Variants in TENM4 observed in about 807,000 individuals in gnomAD.
TENM4 encodes teneurin transmembrane protein 4, also known as teneurin-4.
Under a neutral mutation model 243.3 loss-of-function variants are expected in TENM4, and 82 were observed. The observed-to-expected ratio is 0.34, with a 90% CI of 0.28 to 0.40. The LOEUF (loss-of-function observed/expected upper bound fraction) is 0.40, where lower values mean the gene tolerates loss of function less well. TENM4 is among the 10% of genes least tolerant of loss of function. The pLI, the probability that TENM4 is intolerant of heterozygous loss-of-function variation, is 1.00. For missense variants in TENM4, 3,138 were observed against 3,673.3 expected, an observed-to-expected ratio of 0.85 and a Z score of 3.77; for synonymous variants, 1,412 against 1,456.3, an observed-to-expected ratio of 0.97 and a Z score of 0.69.
intron 1 of TENM4, among the ~76,000 whole-genome samples, chr11:79,374,802 A>G (rs10501439): frequency 0.17 from 26,218 of 152,048 alleles, 2,661 homozygotes; most frequent in African/African-American, 0.28. Flanking sequence ...AGGCATTACT[A>G]CAGTGAAGTT....
chr11:78,923,360 TAAC>T lies in TENM4; in HGVS notation c.494-19840_494-19838del, dbSNP rs370690275. On this transcript the variant is annotated intron_variant, in intron 6 of 33. Transcript: ENST00000278550. ...CTTCCATTCTGCCTTTTCCCTTGAG[TAAC>T]AACAGTGTGGTTTGGGGAACTGATC... Among the ~76,000 whole-genome samples, 19 of 152,040 alleles carry T rather than the reference TAAC, an allele frequency of 1.2e-4. No homozygotes were observed. In the South Asian group the frequency reaches 3.3e-3, roughly 27 times the overall value.
intron 15 of TENM4, among the ~76,000 whole-genome samples, chr11:78,792,148 G>A (rs1293971083): frequency 2.0e-5 from 3 of 152,222 alleles, no homozygotes; most frequent in Non-Finnish European, 4.4e-5. Flanking sequence ...TGCTGTGTAT[G>A]ACTAATTGAT....
At position 79,164,107 on chromosome 11, in the gene TENM4, T is replaced by TAC. The variant is rs1194398400; in HGVS notation, c.-162-15303_-162-15302dup. 8.7e-5 allele frequency among the ~76,000 whole-genome samples: 10 copies of TAC among 115,246 alleles called. 1 individual carries two copies. Among genetic ancestry groups the TAC allele is most frequent in the East Asian group, 4.7e-4 (2 of 4,220 alleles). 75.6% of individuals were successfully genotyped at this position (115,246 alleles called of 152,430 possible). Reference sequence around the variant, plus strand: ...ATATACTATGTATATATAGTATATATACACTATATATACTATGTATATATA... The same window carrying TAC: ...ATATACTATGTATATATAGTATATATACACACTATATATACTATGTATATATA... On this transcript the variant is annotated intron_variant, in intron 3 of 33. Coordinates refer to ENST00000278550, the MANE Select transcript of TENM4 (RefSeq NM_001098816.3).
intron 1 of TENM4, among the ~76,000 whole-genome samples, chr11:79,364,261 G>A (rs1857638338): frequency 6.6e-6 from 1 of 152,244 alleles, no homozygotes; most frequent in Admixed American, 6.5e-5. Context: ...AGAGGAAGCA[G>A]TGAATACGAC....
rs1860441902 is a variant in TENM4 at position 79,072,554 on chromosome 11, G to A, written c.-65-2545C>T. Reference sequence around the variant, plus strand: ...CACACATTGATGTATGCGAATGTGTGTGTTTACATGTATAAAAGAGAAACA... The same window carrying A: ...CACACATTGATGTATGCGAATGTGTATGTTTACATGTATAAAAGAGAAACA... On this transcript the variant is annotated intron_variant, in intron 4 of 33. Coordinates refer to ENST00000278550, the MANE Select transcript of TENM4 (RefSeq NM_001098816.3). Among the ~76,000 whole-genome samples, 3 of 152,058 alleles carry A rather than the reference G, an allele frequency of 2.0e-5. No homozygotes were observed. The South Asian group carries it at 6.2e-4, about 32-fold the overall frequency.
intron 4 of TENM4, among the ~76,000 whole-genome samples, chr11:79,124,350 C>A (rs1291455856): frequency 6.6e-6 from 1 of 152,034 alleles, no homozygotes; most frequent in Non-Finnish European, 1.5e-5. Flanking sequence ...TATGGATTGG[C>A]AAAATCTAAT....
chr11:78,837,799 A>G (rs1268418268), intron 12 of TENM4, among the ~76,000 whole-genome samples: 4 of 152,200 alleles, frequency 2.6e-5, no homozygotes, highest in Non-Finnish European at 1.5e-5. Context: ...TTTTATGATA[A>G]TTTTAATGGC....
At chr11:79,205,469 C>T (rs191257324) in intron 3 of TENM4, among the ~76,000 whole-genome samples, 3 of 152,304 alleles carry the variant, frequency 2.0e-5, no homozygotes, top group Admixed American at 6.5e-5. Flanking sequence ...TCTCCATACC[C>T]GCATCCCTTC....
chr11:78,722,989 G>A, intron 23 of TENM4, 72 bp from the exon 24 acceptor site: 1 of 1,572,186 alleles, frequency 6.4e-7, no homozygotes, highest in East Asian at 2.3e-5. Flanking sequence ...TGACCACAGA[G>A]TCACCTGATT....
intron 2 of TENM4, among the ~76,000 whole-genome samples, chr11:79,260,745 A>C (rs767673013): frequency 7.9e-5 from 12 of 152,106 alleles, no homozygotes; most frequent in African/African-American, 2.9e-4. Context: ...AGGCTCTCCA[A>C]GGCTGTACCT....
chr11:79,374,862 C>G (rs200813866), intron 1 of TENM4, among the ~76,000 whole-genome samples: 1 of 152,068 alleles, frequency 6.6e-6, no homozygotes, highest in African/African-American at 2.4e-5. Context: ...GGTTGCAAGC[C>G]GGGGGTAATT....
chr11:79,150,731 C>A (rs1862490940), intron 3 of TENM4, among the ~76,000 whole-genome samples: 1 of 152,180 alleles, frequency 6.6e-6, no homozygotes. Context: ...TCTCCTGGTT[C>A]TTCTTTCCCC....
chr11:79,250,033 T>G (rs1855583224), intron 2 of TENM4, among the ~76,000 whole-genome samples: 1 of 152,220 alleles, frequency 6.6e-6, no homozygotes, highest in Non-Finnish European at 1.5e-5. Flanking sequence ...TTGCCCAGGC[T>G]GGAGTGCAAT....
At chr11:78,684,305 T>A (rs1213998976) in intron 29 of TENM4, among the ~76,000 whole-genome samples, 2 of 152,276 alleles carry the variant, frequency 1.3e-5, no homozygotes, top group East Asian at 3.8e-4. Flanking sequence ...ATGCCTCTGG[T>A]ACTTCATCAG....
intron 6 of TENM4, among the ~76,000 whole-genome samples, chr11:78,957,803 A>G (rs1857238932): frequency 6.6e-6 from 1 of 152,214 alleles, no homozygotes. Context: ...GGTCTGATTC[A>G]TCTCATATAA....
intron 1 of TENM4, among the ~76,000 whole-genome samples, chr11:79,312,434 C>G (rs1247804219): frequency 1.3e-5 from 2 of 152,216 alleles, no homozygotes; most frequent in Non-Finnish European, 2.9e-5. Flanking sequence ...TTACTTAATA[C>G]CATACATATA....
chr11:79,083,568 G>C (rs1371765470), intron 4 of TENM4, among the ~76,000 whole-genome samples: 1 of 152,170 alleles, frequency 6.6e-6, no homozygotes, highest in Non-Finnish European at 1.5e-5. Flanking sequence ...TTGAGCTCCC[G>C]TGACAGGGAG....
intron 22 of TENM4, among the ~76,000 whole-genome samples, chr11:78,727,982 A>G (rs1590972414): frequency 6.6e-6 from 1 of 152,214 alleles, no homozygotes; most frequent in Admixed American, 6.5e-5. Context: ...CCCTTCCCCC[A>G]TGGCCTTGAG....
intron 4 of TENM4, among the ~76,000 whole-genome samples, chr11:79,072,472 G>A (rs370091665): frequency 2.0e-5 from 2 of 101,188 alleles, no homozygotes; most frequent in Admixed American, 2.0e-4. Context: ...GGGCAAGAGT[G>A]AGACCCTGTC....
Sources: gnomAD v4.1 joint callset for allele counts (sites outside exome capture counted in the v4.1 genomes callset) on GRCh38, gnomAD v4.1.1 for gene constraint, MANE v1.5 for transcripts, NCBI Gene and HGNC (gene_info 2026-07-23, HGNC 2026-07-21) for gene names.